The following TMC1 variants were observed in gnomAD, a reference collection of about 807,000 sequenced individuals.
TMC1 encodes transmembrane channel like 1, also known as transmembrane channel-like protein 1.
Under a neutral mutation model 105.8 loss-of-function variants are expected in TMC1, and 84 were observed. That is an observed-to-expected ratio of 0.79 (90% CI 0.67 to 0.95). The LOEUF (loss-of-function observed/expected upper bound fraction) is 0.95, where lower values mean the gene tolerates loss of function less well. Ranked by LOEUF, TMC1 falls within the 40% of genes least tolerant of loss-of-function variation. The probability of loss-of-function intolerance (pLI) is 0.00; values close to 1 mark genes in which losing one functional copy is unlikely to be tolerated. For missense variants in TMC1, 817 were observed against 914.1 expected (o/e 0.89, Z 1.37); for synonymous variants, 315 against 311.5 (o/e 1.01, Z -0.12).
intron 5 of TMC1, among the ~76,000 whole-genome samples, chr9:72,677,324 G>A (rs1826218840): frequency 6.6e-6 from 1 of 152,030 alleles, no homozygotes; most frequent in Admixed American, 6.6e-5. Context: ...ATTCTGTCTT[G>A]CTCAGCCTTT....
At chr9:72,725,714 G>A (rs1248182350) in intron 8 of TMC1, among the ~76,000 whole-genome samples, 2 of 151,260 alleles carry the variant, frequency 1.3e-5, no homozygotes, top group Non-Finnish European at 1.5e-5. Flanking sequence ...TTTTTGAGAC[G>A]GAGTCTGGCT....
intron 9 of TMC1, chr9:72,741,132 T>A (rs1005930704): frequency 3.8e-5 from 6 of 158,270 alleles, no homozygotes; most frequent in African/African-American, 1.4e-4. Flanking sequence ...TGTTCATTTT[T>A]AAAATTAACT....
intron 17 of TMC1, among the ~76,000 whole-genome samples, chr9:72,793,548 C>T (rs1231528093): frequency 1.3e-5 from 2 of 152,216 alleles, no homozygotes; most frequent in African/African-American, 2.4e-5. Context: ...TATCCCTTTC[C>T]TCCTCACTGG....
Position 72,826,853 on chromosome 9 carries a change from T to G in TMC1, c.2004-16T>G, listed in dbSNP as rs1828964330. 1.2e-6 allele frequency: 2 copies of G among 1,613,126 alleles called. No homozygotes were observed. Among genetic ancestry groups the G allele is most frequent in the African/African-American group, 2.7e-5 (2 of 74,876 alleles). ...TGTTCTTAATAAACTTATCTCCCCC[T>G]TTTTAATTCCCCCAGTGGCAAAAAT... On this transcript the variant is annotated splice_polypyrimidine_tract_variant and intron_variant, in intron 20 of 23. Transcript: ENST00000297784.
chr9:72,732,532 T>C (rs1169162426), intron 8 of TMC1, among the ~76,000 whole-genome samples: 2 of 146,568 alleles, frequency 1.4e-5, no homozygotes, highest in African/African-American at 5.1e-5. Context: ...ACCACTGCAC[T>C]CCAGCCTGGG....
chr9:72,577,068 G>T (rs984628117), intron 1 of TMC1, among the ~76,000 whole-genome samples: 15 of 151,758 alleles, frequency 9.9e-5, no homozygotes, highest in African/African-American at 3.6e-4. Flanking sequence ...TTTTAATGAA[G>T]CTACAGCATA....
At chr9:72,694,496 A>T (rs764136725) in intron 6 of TMC1, 47 bp from the exon 7 acceptor site, 1 of 1,572,806 alleles carries the variant, frequency 6.4e-7, no homozygotes, top group Non-Finnish European at 8.7e-7. Context: ...TGGTAGTGGG[A>T]GGAAGCACTT....
Position 72,687,790 on chromosome 9 carries a change from A to G in TMC1, c.17-919A>G, listed in dbSNP as rs1826401055. On this transcript the variant is annotated intron_variant, in intron 5 of 23. Coordinates refer to ENST00000297784, the MANE Select transcript of TMC1 (RefSeq NM_138691.3). ...TCTGTTCACAGCAACACTGTTTGTC[A>G]TCTTTGCTTTTTTGGAAAAATGTCA... Among the ~76,000 whole-genome samples, 3 of 152,158 alleles carry G rather than the reference A, an allele frequency of 2.0e-5. No homozygotes were observed. The South Asian group carries it at 6.2e-4, about 32-fold the overall frequency.
intron 12 of TMC1, among the ~76,000 whole-genome samples, chr9:72,769,871 A>C (rs1196574002): frequency 6.6e-6 from 1 of 152,198 alleles, no homozygotes; most frequent in Non-Finnish European, 1.5e-5. Context: ...TTCAGGATAT[A>C]ATCTTTAAAC....
chr9:72,837,591 T>G lies in TMC1; in HGVS notation c.*1618T>G, dbSNP rs1195285999. The G allele has an allele frequency of 6.6e-6, 1 of 152,234 alleles. No homozygotes were observed. The highest frequency in any genetic ancestry group is 1.5e-5 in the Non-Finnish European group (1 of 68,046). The allele number at this position is 152,234 out of a possible 1,614,324, so 9.4% of individuals were successfully genotyped here. A position where few individuals can be genotyped will look rare whatever the true frequency, so the allele number is the denominator to read the frequency against. ...TGGGGGCCTTAATTTATAGATATGT[T>G]TAAGCATTATTATGGATTTACAGTT... On this transcript the variant is annotated 3_prime_UTR_variant, in exon 24 of 24. Transcript: ENST00000297784.
In TMC1 at chr9:72,785,520, T is replaced by C. The variant is rs539765829; in HGVS notation, c.885-2819T>C. Among the ~76,000 whole-genome samples the C allele has an allele frequency of 2.0e-5, 3 of 152,360 alleles. No individual in the cohort carries two copies. The South Asian group carries it at 6.2e-4, about 32-fold the overall frequency. ...AAGGAAGCACTTTAAGTCTTATCTG[T>C]GGCATATCTGAATTGCCAGCATCAC... On this transcript the variant is annotated intron_variant, in intron 13 of 23. Coordinates refer to ENST00000297784, the MANE Select transcript of TMC1 (RefSeq NM_138691.3).
chr9:72,808,476 A>T (rs1828640053), intron 18 of TMC1, among the ~76,000 whole-genome samples: 1 of 152,174 alleles, frequency 6.6e-6, no homozygotes, highest in Non-Finnish European at 1.5e-5. Context: ...TCTTCATAAG[A>T]TGTGCATCTA....
At chr9:72,632,432 C>T (rs377602302) in intron 4 of TMC1, among the ~76,000 whole-genome samples, 12 of 152,100 alleles carry the variant, frequency 7.9e-5, no homozygotes, top group African/African-American at 2.7e-4. Context: ...GAGCAAGGAG[C>T]AGACTCCATA....
chr9:72,784,888 T>C (rs995593473), intron 13 of TMC1, among the ~76,000 whole-genome samples: 10 of 152,074 alleles, frequency 6.6e-5, no homozygotes, highest in African/African-American at 2.4e-4. Flanking sequence ...AAGCTAAACA[T>C]TGAGTACACA....
chr9:72,726,149 A>T (rs1323625644), intron 8 of TMC1, among the ~76,000 whole-genome samples: 1 of 152,228 alleles, frequency 6.6e-6, no homozygotes, highest in Non-Finnish European at 1.5e-5. Flanking sequence ...CATTTCAAAT[A>T]TAAGGGGTCC....
chr9:72,742,228 C>T (rs1217952313), intron 9 of TMC1, among the ~76,000 whole-genome samples: 3 of 152,028 alleles, frequency 2.0e-5, no homozygotes, highest in South Asian at 2.1e-4. Flanking sequence ...AACAGGGGAT[C>T]GATAAACATT....
At chr9:72,761,597 A>G (rs1304614307) in intron 12 of TMC1, among the ~76,000 whole-genome samples, 2 of 152,220 alleles carry the variant, frequency 1.3e-5, no homozygotes, top group Non-Finnish European at 2.9e-5. Context: ...TTTTATCCTC[A>G]TAACAACTGT....
intron 5 of TMC1, among the ~76,000 whole-genome samples, chr9:72,661,798 T>G (rs1348891396): frequency 6.6e-6 from 1 of 152,240 alleles, no homozygotes; most frequent in African/African-American, 2.4e-5. Flanking sequence ...GTTGCAAATC[T>G]GAAAAAGTCC....
At chr9:72,815,975 A>T (rs1025177099) in intron 18 of TMC1, among the ~76,000 whole-genome samples, 168 bp from the exon 19 acceptor site, 15 of 152,158 alleles carry the variant, frequency 9.9e-5, no homozygotes, top group African/African-American at 3.6e-4. Flanking sequence ...AAAAAAAAAA[A>T]GGTGCTTTCT....
Sources: allele counts gnomAD v4.1 joint callset (sites outside exome capture counted in the v4.1 genomes callset), GRCh38; gene constraint gnomAD v4.1.1; transcripts MANE v1.5; gene names NCBI Gene and HGNC (gene_info 2026-07-23, HGNC 2026-07-21).